UBASH3B: variants seen among roughly 807,000 people sequenced by gnomAD.
UBASH3B encodes ubiquitin-associated and SH3 domain-containing protein B.
In UBASH3B, 37 loss-of-function variants were observed where a neutral mutation model predicts 83.4. That is an observed-to-expected ratio of 0.44 (90% confidence interval 0.34 to 0.58). The LOEUF (loss-of-function observed/expected upper bound fraction) is 0.58. Ranked by LOEUF, UBASH3B falls within the 20% of genes least tolerant of loss-of-function variation. The pLI is 0.01. For synonymous variants in UBASH3B, 304 were observed against 318.3 expected (o/e 0.96, Z 0.48); for missense variants, 657 against 827.2 (o/e 0.79, Z 2.52).
At chr11:122,717,659 T>C (rs189206360) in intron 1 of UBASH3B, among the ~76,000 whole-genome samples, 132 of 152,330 alleles carry the variant, frequency 8.7e-4, no homozygotes, top group African/African-American at 3.1e-3. Context: ...TTTCCACCGC[T>C]GTACCTCGTG....
intron 1 of UBASH3B, among the ~76,000 whole-genome samples, chr11:122,659,070 T>C (rs994154972): frequency 6.6e-6 from 1 of 152,208 alleles, no homozygotes; most frequent in Admixed American, 6.5e-5. Context: ...ATTGTCTTTG[T>C]TTTCTGTCTG....
intron 1 of UBASH3B, among the ~76,000 whole-genome samples, chr11:122,697,868 A>G (rs1469569691): frequency 6.6e-6 from 1 of 152,188 alleles, no homozygotes; most frequent in African/African-American, 2.4e-5. Context: ...ACACTGTCCA[A>G]GGGGGAGTAT....
chr11:122,699,747 T>C (rs1285486552), intron 1 of UBASH3B, among the ~76,000 whole-genome samples: 1 of 151,990 alleles, frequency 6.6e-6, no homozygotes, highest in African/African-American at 2.4e-5. Flanking sequence ...GACAGCCAGA[T>C]AATTTTTGTA....
intron 1 of UBASH3B, among the ~76,000 whole-genome samples, chr11:122,666,274 C>T (rs1291563433): frequency 6.6e-6 from 1 of 152,252 alleles, no homozygotes; most frequent in Non-Finnish European, 1.5e-5. Context: ...AGTGTTTATT[C>T]CTTTACCTTA....
intron 8 of UBASH3B, 103 bp downstream of exon 8, chr11:122,796,379 G>A (rs551529967): frequency 8.1e-5 from 123 of 1,518,446 alleles, no homozygotes; most frequent in Admixed American, 3.6e-4. Flanking sequence ...ATAGTTTTGC[G>A]TACTATAGAA....
chr11:122,717,856 C>G (rs1860551732), intron 1 of UBASH3B, among the ~76,000 whole-genome samples: 1 of 151,984 alleles, frequency 6.6e-6, no homozygotes, highest in African/African-American at 2.4e-5. Flanking sequence ...CAGTCCTTGC[C>G]TGGTGAGAAT....
intron 1 of UBASH3B, among the ~76,000 whole-genome samples, chr11:122,683,608 A>ATAATAATAATAATAAT (rs58490731): frequency 2.6e-4 from 39 of 148,090 alleles, no homozygotes; most frequent in South Asian, 4.2e-4. Flanking sequence ...CCTTCTCAAA[A>ATAATAATAATAATAAT]AAAAAAAAAA....
chr11:122,805,558 A>C (rs963022225), intron 11 of UBASH3B, among the ~76,000 whole-genome samples: 39 of 152,138 alleles, frequency 2.6e-4, no homozygotes, highest in African/African-American at 8.4e-4. Flanking sequence ...ACAACAACAA[A>C]AAACAAATAA....
At position 122,793,873 on chromosome 11, in the gene UBASH3B, G is replaced by A. The variant is rs191104616; in HGVS notation, c.981-829G>A. ...GAGGGGGAGATAGGGTTTGGAGACC[G>A]AAGAGGGTAGAATAGGGGACTTTGG... On this transcript the variant is annotated intron_variant, in intron 6 of 13. Coordinates refer to ENST00000284273, the MANE Select transcript of UBASH3B (RefSeq NM_032873.5). 1.1e-4 allele frequency among the ~76,000 whole-genome samples: 17 copies of A among 152,288 alleles called. No homozygotes were observed. The East Asian group carries it at 1.7e-3, about 16-fold the overall frequency.
In UBASH3B at chr11:122,784,131, G is replaced by A. The variant is rs112699432; in HGVS notation, c.771+909G>A. Among the ~76,000 whole-genome samples the A allele has an allele frequency of 9.4e-3, 1,426 of 152,020 alleles. 19 individuals are homozygous for A. The highest frequency in any genetic ancestry group is 0.01 in the Middle Eastern group (3 of 294). On this transcript the variant is annotated intron_variant, in intron 5 of 13. Coordinates refer to ENST00000284273, the MANE Select transcript of UBASH3B (RefSeq NM_032873.5). ...AATTTTTTGTATTTTTAGTAGTGCC[G>A]GGGTTTCACTGTGTTGGCCAGACTG...
intron 1 of UBASH3B, among the ~76,000 whole-genome samples, chr11:122,710,738 T>G (rs1032236854): frequency 6.6e-6 from 1 of 151,916 alleles, no homozygotes; most frequent in African/African-American, 2.4e-5. Context: ...GGACGGGGCA[T>G]GTAGAATTGG....
chr11:122,771,007 G>C (rs951586695), intron 1 of UBASH3B, among the ~76,000 whole-genome samples: 1 of 152,166 alleles, frequency 6.6e-6, no homozygotes, highest in Non-Finnish European at 1.5e-5. Flanking sequence ...CTAAAGTGAC[G>C]CATAAGGCCT....
intron 1 of UBASH3B, among the ~76,000 whole-genome samples, chr11:122,732,173 A>G (rs1277241667): frequency 6.6e-6 from 1 of 152,138 alleles, no homozygotes; most frequent in East Asian, 1.9e-4. Flanking sequence ...TTCTTGGGGT[A>G]CCCATATGCA....
chr11:122,695,203 A>T (rs1863951548), intron 1 of UBASH3B, among the ~76,000 whole-genome samples: 1 of 151,770 alleles, frequency 6.6e-6, no homozygotes. Context: ...ACCTCAAGTG[A>T]TCCACCCGTC....
intron 11 of UBASH3B, among the ~76,000 whole-genome samples, chr11:122,802,246 C>T (rs908296540): frequency 3.8e-5 from 5 of 132,198 alleles, no homozygotes; most frequent in Admixed American, 1.8e-4. Flanking sequence ...ACCCAGGAGG[C>T]GGAGGTTGCA....
chr11:122,800,559 AAAT>A (rs1565571675), intron 10 of UBASH3B, among the ~76,000 whole-genome samples: 1 of 151,946 alleles, frequency 6.6e-6, no homozygotes, highest in East Asian at 1.9e-4. Flanking sequence ...GTATCAAAAA[AAAT>A]AATAATAATA....
intron 1 of UBASH3B, among the ~76,000 whole-genome samples, chr11:122,704,388 C>A (rs915390213): frequency 2.6e-5 from 4 of 152,180 alleles, no homozygotes. Flanking sequence ...TTTCCAGGAG[C>A]ACCTGAGCAT....
chr11:122,790,882 T>C (rs1336156920), intron 6 of UBASH3B, among the ~76,000 whole-genome samples: 1 of 150,048 alleles, frequency 6.7e-6, no homozygotes, highest in African/African-American at 2.5e-5. Context: ...ACCTAGGAGG[T>C]GGAGGTTGCA....
At chr11:122,741,492 C>T (rs1488452379) in intron 1 of UBASH3B, among the ~76,000 whole-genome samples, 1 of 152,192 alleles carries the variant, frequency 6.6e-6, no homozygotes, top group Non-Finnish European at 1.5e-5. Flanking sequence ...AAGCCCGTCT[C>T]TTTAAGATCT....
Sources: gnomAD v4.1 joint callset for allele counts (sites outside exome capture counted in the v4.1 genomes callset) on GRCh38, gnomAD v4.1.1 for gene constraint, MANE v1.5 for transcripts, NCBI Gene and HGNC (gene_info 2026-07-23, HGNC 2026-07-21) for gene names.